The following ZCCHC7 variants were observed in gnomAD, a reference collection of about 807,000 sequenced individuals.
The protein encoded by ZCCHC7 is zinc finger CCHC-type containing 7.
ZCCHC7 carries 35 observed loss-of-function variants against 52.0 expected under a neutral mutation model. The ratio of observed to expected loss-of-function variants is 0.67; its 90% confidence interval spans 0.51 to 0.89. The LOEUF (loss-of-function observed/expected upper bound fraction) is 0.89, where lower values mean the gene tolerates loss of function less well. Ranked by LOEUF, ZCCHC7 falls within the 40% of genes least tolerant of loss-of-function variation. The probability of loss-of-function intolerance (pLI) is 0.00; values close to 1 mark genes in which losing one functional copy is unlikely to be tolerated. For missense variants in ZCCHC7, 574 were observed against 649.1 expected (o/e 0.88, Z 1.26); for synonymous variants, 217 against 221.5 (o/e 0.98, Z 0.18).
At chr9:37,214,408 C>G (rs1237944774) in intron 2 of ZCCHC7, among the ~76,000 whole-genome samples, 1 of 152,000 alleles carries the variant, frequency 6.6e-6, no homozygotes, top group African/African-American at 2.4e-5. Flanking sequence ...AGCTATTATA[C>G]TTAAGAAACA....
intron 2 of ZCCHC7, among the ~76,000 whole-genome samples, chr9:37,225,590 C>T (rs923388871): frequency 6.6e-6 from 1 of 152,036 alleles, no homozygotes; most frequent in East Asian, 1.9e-4. Context: ...ATTAATATGT[C>T]ATGATCAAGT....
At chr9:37,341,825 C>T (rs1046179666) in intron 6 of ZCCHC7, among the ~76,000 whole-genome samples, 1 of 151,946 alleles carries the variant, frequency 6.6e-6, no homozygotes, top group Non-Finnish European at 1.5e-5. Flanking sequence ...TGGTGCAAAG[C>T]GCTGAGGTGG....
intron 2 of ZCCHC7, among the ~76,000 whole-genome samples, chr9:37,188,095 A>G (rs911491484): frequency 6.6e-6 from 1 of 152,120 alleles, no homozygotes. Flanking sequence ...GGAAATGAAT[A>G]TTAGACCTCT....
intron 5 of ZCCHC7, among the ~76,000 whole-genome samples, chr9:37,316,904 A>T (rs1052418203): frequency 1.3e-5 from 2 of 151,130 alleles, no homozygotes; most frequent in African/African-American, 4.9e-5. Flanking sequence ...TAGAAAAAAA[A>T]TTGCAGGCAT....
chr9:37,266,269 T>C (rs142330401), intron 2 of ZCCHC7, among the ~76,000 whole-genome samples: 20 of 152,324 alleles, frequency 1.3e-4, no homozygotes, highest in African/African-American at 4.1e-4. Flanking sequence ...GCCACTTAGG[T>C]ATCAAGAAAT....
intron 2 of ZCCHC7, among the ~76,000 whole-genome samples, chr9:37,283,272 AT>A (rs1253040515): frequency 2.0e-5 from 3 of 152,172 alleles, no homozygotes; most frequent in Non-Finnish European, 4.4e-5. Context: ...ACATCCTAAA[AT>A]TTATGTTCAT....
chr9:37,338,234 C>G (rs540289518), intron 6 of ZCCHC7, among the ~76,000 whole-genome samples: 2 of 152,178 alleles, frequency 1.3e-5, no homozygotes, highest in South Asian at 2.1e-4. Flanking sequence ...AGCTTAATAG[C>G]TCATTTTTAT....
At chr9:37,140,636 G>A (rs1482703861) in intron 2 of ZCCHC7, among the ~76,000 whole-genome samples, 1 of 151,868 alleles carries the variant, frequency 6.6e-6, no homozygotes, top group Non-Finnish European at 1.5e-5. Flanking sequence ...ATTCAGTTTG[G>A]GAGGTTTTAT....
intron 2 of ZCCHC7, among the ~76,000 whole-genome samples, chr9:37,132,186 G>A (rs999769549): frequency 1.3e-5 from 2 of 152,064 alleles, no homozygotes; most frequent in African/African-American, 4.8e-5. Flanking sequence ...AAGGAAGTCA[G>A]CATATTTAGT....
chr9:37,336,593 C>T (rs74970241), intron 6 of ZCCHC7, among the ~76,000 whole-genome samples: 7,746 of 152,040 alleles, frequency 0.051, 638 homozygotes, highest in African/African-American at 0.17. Flanking sequence ...AGCTAATAAA[C>T]GTAATAGAGC....
chr9:37,261,703 A>G (rs562619693), intron 2 of ZCCHC7, among the ~76,000 whole-genome samples: 68 of 152,344 alleles, frequency 4.5e-4, no homozygotes, highest in South Asian at 3.7e-3. Context: ...CTTCAAATGA[A>G]AAACTCACAA....
At chr9:37,198,743 C>T (rs150604947) in intron 2 of ZCCHC7, among the ~76,000 whole-genome samples, 1 of 152,178 alleles carries the variant, frequency 6.6e-6, no homozygotes, top group African/African-American at 2.4e-5. Flanking sequence ...AGTACAGTAT[C>T]TTAGGGAAGA....
intron 2 of ZCCHC7, among the ~76,000 whole-genome samples, chr9:37,229,267 A>C: frequency 6.6e-6 from 1 of 152,222 alleles, no homozygotes; most frequent in East Asian, 1.9e-4. Context: ...ATAAAATGCT[A>C]TATAAGAATT....
At chr9:37,198,621 A>G (rs2133143701) in intron 2 of ZCCHC7, among the ~76,000 whole-genome samples, 1 of 152,330 alleles carries the variant, frequency 6.6e-6, no homozygotes, top group Admixed American at 6.5e-5. Flanking sequence ...TAGGTGCCAA[A>G]AGAGAAAGAA....
intron 5 of ZCCHC7, chr9:37,327,093 T>C (rs184212783): frequency 1.3e-5 from 2 of 152,262 alleles, no homozygotes; most frequent in East Asian, 1.9e-4. Flanking sequence ...ACTGTTTTTG[T>C]TGTTCCTGCT....
At chr9:37,228,977 A>G (rs1825263899) in intron 2 of ZCCHC7, among the ~76,000 whole-genome samples, 1 of 151,534 alleles carries the variant, frequency 6.6e-6, no homozygotes, top group Admixed American at 6.6e-5. Context: ...CTGGGACTAT[A>G]GGCGCCTGCC....
intron 2 of ZCCHC7, among the ~76,000 whole-genome samples, chr9:37,196,889 C>T (rs965457496): frequency 6.6e-6 from 1 of 151,988 alleles, no homozygotes; most frequent in South Asian, 2.1e-4. Flanking sequence ...GGGGGATACA[C>T]TTTTTTGTGT....
At chr9:37,177,680 A>G (rs1822116885) in intron 2 of ZCCHC7, among the ~76,000 whole-genome samples, 1 of 152,210 alleles carries the variant, frequency 6.6e-6, no homozygotes, top group Non-Finnish European at 1.5e-5. Flanking sequence ...AGTCACATTG[A>G]TAGGATATAC....
intron 2 of ZCCHC7, among the ~76,000 whole-genome samples, chr9:37,214,554 A>T (rs920233825): frequency 6.6e-6 from 1 of 152,210 alleles, no homozygotes; most frequent in East Asian, 1.9e-4. Flanking sequence ...TCTCATCACT[A>T]TATGGATAGA....
Sources: allele counts gnomAD v4.1 joint callset (sites outside exome capture counted in the v4.1 genomes callset), GRCh38; gene constraint gnomAD v4.1.1; transcripts MANE v1.5; gene names NCBI Gene and HGNC (gene_info 2026-07-23, HGNC 2026-07-21).